MAP3K19: variants seen among roughly 807,000 people sequenced by gnomAD.
The protein encoded by MAP3K19 is mitogen-activated protein kinase kinase kinase 19, also known as SPS1/STE20-related protein kinase YSK4.
Under a neutral mutation model 114.4 loss-of-function variants are expected in MAP3K19, and 91 were observed. The observed-to-expected ratio is 0.80, with a 90% CI of 0.67 to 0.95. The LOEUF (loss-of-function observed/expected upper bound fraction) is 0.95. Ranked by LOEUF, MAP3K19 falls within the 40% of genes least tolerant of loss-of-function variation. MAP3K19 has a pLI of 0.00. For synonymous variants in MAP3K19, 518 were observed against 530.5 expected, an observed-to-expected ratio of 0.98 and a Z score of 0.32; for missense variants, 1,471 against 1,573.2, an observed-to-expected ratio of 0.94 and a Z score of 1.10.
chr2:134,984,531 C>G (rs534049804), intron 10 of MAP3K19, among the ~76,000 whole-genome samples: 69 of 152,268 alleles, frequency 4.5e-4, no homozygotes, highest in Non-Finnish European at 7.9e-4. Flanking sequence ...GTAACCAAAA[C>G]AGGAAGCCAG....
chr2:134,983,896 G>T, intron 10 of MAP3K19, 71 bp from the exon 11 acceptor site: 1 of 1,064,700 alleles, frequency 9.4e-7, no homozygotes, highest in Non-Finnish European at 1.3e-6. Flanking sequence ...AGGGGTGAGA[G>T]TAAAGTCTTC....
intron 2 of MAP3K19, among the ~76,000 whole-genome samples, chr2:135,033,568 C>CA (rs1688446848): frequency 1.6e-5 from 1 of 63,464 alleles, no homozygotes; most frequent in African/African-American, 9.9e-5. Flanking sequence ...GGCTGGCGGG[C>CA]GGGGGGCTGA....
rs1417205041 is a variant in MAP3K19 at position 134,968,806 on chromosome 2, G to A, written c.3921-3890C>T. On this transcript the variant is annotated intron_variant, in intron 12 of 12. Transcript: ENST00000392915. ...CTAGATGTGATGGCGGCTGGGAAGA[G>A]GCGCTCCTCACTTCCTAGATGGGAT... Among the ~76,000 whole-genome samples the A allele has an allele frequency of 3.3e-5, 5 of 151,884 alleles. No homozygotes were observed. The East Asian group carries it at 9.8e-4, about 30-fold the overall frequency.
intron 11 of MAP3K19, 67 bp downstream of exon 11, chr2:134,983,607 TGG>T: frequency 1.4e-6 from 1 of 728,830 alleles, no homozygotes; most frequent in East Asian, 4.1e-5. Flanking sequence ...ACTGGGGGAG[TGG>T]GAGGGGTGGA....
rs55867035 is a variant in MAP3K19 at position 134,986,803 on chromosome 2, G to A, written c.2069C>T (p.Ser690Leu). The change falls in exon 10 of 13, where the codon TCG becomes TTG. Residue 690 changes from serine (S) to leucine (L), a missense_variant. Transcript: ENST00000392915. ...DENTYYREIC[S>L]APSGRRITNK... ...GGTGATACGTCTGCCTGATGGAGCCGAACATATCTCACGGTAATACGTGTT... is the reference window on the plus strand; with the variant it reads ...GGTGATACGTCTGCCTGATGGAGCCAAACATATCTCACGGTAATACGTGTT... 6,345 of 1,614,132 alleles carry A rather than the reference G, an allele frequency of 3.9e-3. 17 individuals are homozygous for A. The highest frequency in any genetic ancestry group is 6.1e-3 in the Middle Eastern group (37 of 6,062).
chr2:135,002,043 G>A (rs1349788621), intron 6 of MAP3K19, among the ~76,000 whole-genome samples: 3 of 152,208 alleles, frequency 2.0e-5, no homozygotes, highest in Non-Finnish European at 2.9e-5. Context: ...GTGAGTTGCT[G>A]ACGTTGCTGT....
In MAP3K19 at chr2:134,985,222, C is replaced by T. The variant is rs191441373; in HGVS notation, c.3072+578G>A. Among the ~76,000 whole-genome samples, 187 of 152,290 alleles carry T rather than the reference C, an allele frequency of 1.2e-3. 1 individual carries two copies. The highest frequency in any genetic ancestry group is 4.1e-3 in the African/African-American group (171 of 41,568). ...CTTACACTTCCATGAGAGCAATGGC[C>T]GAGTCTTGTACAGCACTATGCTCCT... On this transcript the variant is annotated intron_variant, in intron 10 of 12. Transcript: ENST00000392915.
intron 4 of MAP3K19, among the ~76,000 whole-genome samples, chr2:135,022,857 C>T (rs1688075938): frequency 6.6e-6 from 1 of 152,094 alleles, no homozygotes; most frequent in South Asian, 2.1e-4. Context: ...TCTATAGTTG[C>T]CCAGGACAAA....
chr2:134,972,602 ATT>A (rs201233753), intron 12 of MAP3K19, among the ~76,000 whole-genome samples: 2 of 146,548 alleles, frequency 1.4e-5, no homozygotes, highest in East Asian at 3.9e-4. Flanking sequence ...TAGCTAGCTA[ATT>A]TTTTTTTTTT....
Position 134,986,879 on chromosome 2 carries a change from T to A in MAP3K19, c.1993A>T (p.Met665Leu), listed in dbSNP as rs1028343706. ...TGACAATAAACAGGGGTCCCAAACA[T>A]TTCATAGATTCCAGGTCCATTAGCA... ...STANGPGIYE[M>L]FGTPVYCHVR... is the part of the protein sequence containing the mutation. The change falls in exon 10 of 13, where the codon ATG becomes TTG. Residue 665 changes from methionine (M) to leucine (L), a missense_variant. Met to Leu is a conservative substitution (Grantham distance 15). Transcript: ENST00000392915. The A allele has an allele frequency of 2.5e-6, 4 of 1,614,090 alleles. No homozygotes were observed. In the African/African-American group the frequency reaches 5.3e-5, roughly 22 times the overall value.
chr2:134,968,427 T>A (rs1326175596), intron 12 of MAP3K19, among the ~76,000 whole-genome samples: 44 of 124,612 alleles, frequency 3.5e-4, no homozygotes, highest in African/African-American at 1.0e-3. Flanking sequence ...CACATCCCAG[T>A]AGGGGCGGCC....
At chr2:135,029,153 A>T (rs1167859719) in intron 3 of MAP3K19, among the ~76,000 whole-genome samples, 2 of 152,180 alleles carry the variant, frequency 1.3e-5, no homozygotes, top group African/African-American at 4.8e-5. Flanking sequence ...CGGGCAGATC[A>T]CAAGGTCAGG....
intron 5 of MAP3K19, 140 bp downstream of exon 5, chr2:135,021,575 T>C: frequency 1.7e-6 from 1 of 579,794 alleles, no homozygotes; most frequent in East Asian, 2.9e-5. Flanking sequence ...TTCAGAAGAG[T>C]GTCTTACCAA....
At chr2:135,006,938 G>T (rs1210239509) in intron 5 of MAP3K19, among the ~76,000 whole-genome samples, 1 of 152,086 alleles carries the variant, frequency 6.6e-6, no homozygotes, top group African/African-American at 2.4e-5. Context: ...AGCACTTTGG[G>T]AGGCCGAGAT....
At position 134,991,545 on chromosome 2, in the gene MAP3K19, T is replaced by C; in HGVS notation, c.610A>G (p.Ser204Gly). Residue 204 changes from serine to glycine, a missense_variant, in exon 9 of 13, where the codon AGC (serine) becomes GGC (glycine). Ser to Gly is a moderately conservative substitution (Grantham distance 56). Coordinates refer to ENST00000392915, the MANE Select transcript of MAP3K19 (RefSeq NM_025052.5). Reference sequence around the variant, plus strand: ...GCTAGCACTAATCTTACCTTGATGCTTCGGCCACTGTACTTCATATGAGAG... The same window carrying C: ...GCTAGCACTAATCTTACCTTGATGCCTCGGCCACTGTACTTCATATGAGAG... ...STSHMKYSGR[S>G]IKFLLPPLSL... The C allele has an allele frequency of 6.2e-7, 1 of 1,613,718 alleles. No homozygotes were observed.
intron 5 of MAP3K19, among the ~76,000 whole-genome samples, chr2:135,006,581 G>A (rs774169726): frequency 1.2e-4 from 19 of 152,084 alleles, no homozygotes; most frequent in African/African-American, 2.7e-4. Flanking sequence ...AGGCTGAGGC[G>A]GGTGGATCAC....
At chr2:134,968,488 G>C (rs868229137) in intron 12 of MAP3K19, among the ~76,000 whole-genome samples, 1,649 of 148,654 alleles carry the variant, frequency 0.011, 51 homozygotes, top group African/African-American at 0.038. Flanking sequence ...CGGGCGGGGG[G>C]CTGACCCCCC....
At chr2:134,988,742 A>G (rs1413694845) in intron 9 of MAP3K19, among the ~76,000 whole-genome samples, 1 of 152,188 alleles carries the variant, frequency 6.6e-6, no homozygotes, top group Non-Finnish European at 1.5e-5. Context: ...TTTTAGAACC[A>G]ATTTAAAACA....
In MAP3K19 at chr2:134,987,344, C is replaced by T. The variant is rs1559152842; in HGVS notation, c.1528G>A (p.Gly510Arg). 1.9e-6 allele frequency: 3 copies of T among 1,613,968 alleles called. No individual in the cohort carries two copies. Among genetic ancestry groups the T allele is most frequent in the South Asian group, 2.2e-5 (2 of 91,078 alleles). Residue 510 changes from glycine to arginine, a missense_variant, in exon 10 of 13, where the codon GGA (glycine) becomes AGA (arginine). Gly to Arg is a moderately radical substitution (Grantham distance 125, BLOSUM62 -2). Transcript: ENST00000392915. ...ACACTATGGTTGTTATGAATGGTTC[C>T]CTTTCTTGTTTGGAGGCTTGGTTTG... ...IAKPSLQTRK[G>R]TIHNNHSVNI... is the part of the protein sequence containing the mutation.
Sources: gnomAD v4.1 joint callset for allele counts (sites outside exome capture counted in the v4.1 genomes callset) on GRCh38, gnomAD v4.1.1 for gene constraint, MANE v1.5 for transcripts, NCBI Gene and HGNC (gene_info 2026-07-23, HGNC 2026-07-21) for gene names.